Variants in ZNF804B observed in about 807,000 individuals in gnomAD.
The protein encoded by ZNF804B is zinc finger 804B.
In ZNF804B, 80 loss-of-function variants were observed where a neutral mutation model predicts 101.4. The observed-to-expected ratio is 0.79, with a 90% CI of 0.66 to 0.95. The LOEUF is 0.95. Among genes scored for constraint, ZNF804B ranks in the 40% least tolerant of loss-of-function variants. The probability of loss-of-function intolerance (pLI) is 0.00; values close to 1 mark genes in which losing one functional copy is unlikely to be tolerated. For synonymous variants in ZNF804B, 622 were observed against 558.8 expected, an observed-to-expected ratio of 1.11 and a Z score of -1.59; for missense variants, 1,673 against 1,561.9, an observed-to-expected ratio of 1.07 and a Z score of -1.20.
intron 1 of ZNF804B, among the ~76,000 whole-genome samples, chr7:88,961,587 T>C (rs1793386050): frequency 6.6e-6 from 1 of 151,380 alleles, no homozygotes; most frequent in African/African-American, 2.4e-5. Context: ...GTTTGTAAAG[T>C]ACCTAGCTGA....
At chr7:89,119,223 A>G (rs930785977) in intron 1 of ZNF804B, among the ~76,000 whole-genome samples, 2 of 152,214 alleles carry the variant, frequency 1.3e-5, no homozygotes, top group Non-Finnish European at 2.9e-5. Context: ...AGGCTTATCA[A>G]GGGACATTAA....
intron 2 of ZNF804B, among the ~76,000 whole-genome samples, chr7:89,313,596 G>T (rs1024557086): frequency 6.6e-6 from 1 of 152,152 alleles, no homozygotes. Flanking sequence ...GCTGAATTCT[G>T]CTTGCAGTAC....
intron 1 of ZNF804B, among the ~76,000 whole-genome samples, chr7:89,152,888 T>C (rs535474831): frequency 6.6e-6 from 1 of 152,264 alleles, no homozygotes; most frequent in South Asian, 2.1e-4. Context: ...TTGAGATCCA[T>C]GACCATCTGT....
chr7:88,861,159 G>A (rs971014362), intron 1 of ZNF804B, among the ~76,000 whole-genome samples: 6 of 152,088 alleles, frequency 3.9e-5, no homozygotes, highest in South Asian at 2.1e-4. Context: ...AATGAGACAC[G>A]GTCCTTGTCG....
At chr7:89,281,552 A>G (rs73399192) in intron 2 of ZNF804B, among the ~76,000 whole-genome samples, 5,596 of 152,268 alleles carry the variant, frequency 0.037, 317 homozygotes, top group African/African-American at 0.13. Flanking sequence ...TTTCTGCTCT[A>G]TATGATGTTT....
At chr7:89,280,508 C>G (rs1790075321) in intron 2 of ZNF804B, among the ~76,000 whole-genome samples, 1 of 152,006 alleles carries the variant, frequency 6.6e-6, no homozygotes, top group African/African-American at 2.4e-5. Flanking sequence ...TGATAGACCG[C>G]TAGCAAGACT....
chr7:88,945,394 G>T, intron 1 of ZNF804B, among the ~76,000 whole-genome samples: 1 of 152,174 alleles, frequency 6.6e-6, no homozygotes, highest in East Asian at 1.9e-4. Context: ...AGATCAGTTA[G>T]TTGTAGATGT....
chr7:88,841,573 G>T (rs1791292755), intron 1 of ZNF804B, among the ~76,000 whole-genome samples: 1 of 152,086 alleles, frequency 6.6e-6, no homozygotes, highest in South Asian at 2.1e-4. Flanking sequence ...TCTTCCTTTG[G>T]CTGATTTCAG....
At chr7:89,134,066 A>C (rs1194298759) in intron 1 of ZNF804B, among the ~76,000 whole-genome samples, 1 of 152,098 alleles carries the variant, frequency 6.6e-6, no homozygotes, top group African/African-American at 2.4e-5. Flanking sequence ...TGGTAAGATT[A>C]GTCACCCAAT....
chr7:89,323,072 A>G (rs1358444558), intron 2 of ZNF804B, among the ~76,000 whole-genome samples: 4 of 152,228 alleles, frequency 2.6e-5, no homozygotes, highest in Non-Finnish European at 5.9e-5. Context: ...GTGCCCTTAC[A>G]AATAAGACAA....
chr7:89,091,918 A>C (rs952393632), intron 1 of ZNF804B, among the ~76,000 whole-genome samples: 1 of 151,858 alleles, frequency 6.6e-6, no homozygotes, highest in African/African-American at 2.4e-5. Flanking sequence ...TCTTATGCAC[A>C]GTTTTTTTTT....
chr7:88,858,315 AT>A (rs1791601267), intron 1 of ZNF804B, among the ~76,000 whole-genome samples: 1 of 152,166 alleles, frequency 6.6e-6, no homozygotes, highest in African/African-American at 2.4e-5. Flanking sequence ...AATTAGTTAA[AT>A]TTGATAAATT....
intron 2 of ZNF804B, among the ~76,000 whole-genome samples, chr7:89,267,542 G>T (rs1474859661): frequency 6.6e-6 from 1 of 151,884 alleles, no homozygotes; most frequent in East Asian, 1.9e-4. Flanking sequence ...CACCAAATAT[G>T]GTCTAGTTAT....
intron 1 of ZNF804B, among the ~76,000 whole-genome samples, chr7:89,047,352 A>T (rs548535848): frequency 2.0e-5 from 3 of 152,314 alleles, no homozygotes; most frequent in African/African-American, 7.2e-5. Context: ...ACAATTGCCT[A>T]GTTGATTTTC....
In ZNF804B at chr7:89,312,654, A is replaced by C. The variant is rs150781098; in HGVS notation, c.250-14690A>C. On this transcript the variant is annotated intron_variant, in intron 2 of 3. Transcript: ENST00000333190. ...ATGGGAGATCTTTTAAAAATACTTTAGCCCATTTCACTATGTGTTTGTATT... is the reference window on the plus strand; with the variant it reads ...ATGGGAGATCTTTTAAAAATACTTTCGCCCATTTCACTATGTGTTTGTATT... 2.3e-3 allele frequency among the ~76,000 whole-genome samples: 355 copies of C among 152,230 alleles called. 2 individuals are homozygous for C. The highest frequency in any genetic ancestry group is 8.3e-3 in the African/African-American group (344 of 41,556).
At chr7:88,988,427 A>C (rs1324070412) in intron 1 of ZNF804B, among the ~76,000 whole-genome samples, 1 of 152,110 alleles carries the variant, frequency 6.6e-6, no homozygotes, top group South Asian at 2.1e-4. Context: ...ACACTTGATC[A>C]GTTGATATAT....
rs1791138360 is a variant in ZNF804B, at chr7:89,338,489, A to G, written c.*1457A>G. ...AATACTTGGTAAACAGTAGGAAAGG[A>G]CATCGTTGATTCAGGAGAGACTGGT... On this transcript the variant is annotated 3_prime_UTR_variant, in exon 4 of 4. Transcript: ENST00000333190. Among the ~76,000 whole-genome samples, 1 of 152,074 alleles carries G rather than the reference A, an allele frequency of 6.6e-6. No individual in the cohort carries two copies.
chr7:89,175,851 T>C (rs1208079880), intron 1 of ZNF804B, among the ~76,000 whole-genome samples: 1 of 152,070 alleles, frequency 6.6e-6, no homozygotes, highest in East Asian at 1.9e-4. Context: ...GATTACTTTC[T>C]TGATTTCTTT....
chr7:88,914,843 T>C (rs7805761), intron 1 of ZNF804B, among the ~76,000 whole-genome samples: 72,219 of 151,960 alleles, frequency 0.48, 19,833 homozygotes, highest in African/African-American at 0.76. Context: ...AAGCAATTTG[T>C]GTTGAGAAAG....
Sources: allele counts gnomAD v4.1 joint callset (sites outside exome capture counted in the v4.1 genomes callset), GRCh38; gene constraint gnomAD v4.1.1; transcripts MANE v1.5; gene names NCBI Gene and HGNC (gene_info 2026-07-23, HGNC 2026-07-21).